GRIA2: variants seen among roughly 807,000 people sequenced by gnomAD.
The protein encoded by GRIA2 is glutamate receptor 2.
In GRIA2, 14 loss-of-function variants were observed where a neutral mutation model predicts 97.3. The ratio of observed to expected loss-of-function variants is 0.14; its 90% CI spans 0.10 to 0.23. The LOEUF (loss-of-function observed/expected upper bound fraction) is 0.23. Among genes scored for constraint, GRIA2 ranks in the 10% least tolerant of loss-of-function variants. The pLI is 1.00. For missense variants in GRIA2, 558 were observed against 1,069.8 expected (o/e 0.52, Z 6.67); for synonymous variants, 412 against 387.8 (o/e 1.06, Z -0.73).
At chr4:157,229,889 T>A (rs1215124022) in intron 2 of GRIA2, among the ~76,000 whole-genome samples, 3 of 152,162 alleles carry the variant, frequency 2.0e-5, no homozygotes, top group Non-Finnish European at 4.4e-5. Flanking sequence ...TCAGTGAACC[T>A]GAGAAGGTAC....
intron 2 of GRIA2, among the ~76,000 whole-genome samples, chr4:157,300,092 C>T (rs1035241857): frequency 4.6e-5 from 7 of 151,470 alleles, no homozygotes; most frequent in South Asian, 2.1e-4. Context: ...CTGATAGTCT[C>T]GGTGGTAGTA....
intron 4 of GRIA2, among the ~76,000 whole-genome samples, chr4:157,317,315 A>G (rs187953639): frequency 3.9e-5 from 6 of 152,310 alleles, no homozygotes; most frequent in Admixed American, 6.5e-5. Context: ...CTTTGTAGGA[A>G]TAGAATTCTG....
intron 9 of GRIA2, 190 bp from the exon 10 acceptor site, chr4:157,335,481 A>G (rs1432107627): frequency 1.7e-6 from 1 of 581,912 alleles, no homozygotes; most frequent in Non-Finnish European, 3.1e-6. Flanking sequence ...AATTATAGTG[A>G]TAGACATTCC....
chr4:157,256,255 A>ATTATATATTACATATATATG (rs1241675937), intron 2 of GRIA2, among the ~76,000 whole-genome samples: 1 of 59,016 alleles, frequency 1.7e-5, no homozygotes, highest in Non-Finnish European at 3.4e-5. Flanking sequence ...TAATATATAA[A>ATTATATATTACATATATATG]TTATATATTA....
intron 3 of GRIA2, among the ~76,000 whole-genome samples, chr4:157,307,102 TG>T (rs200051468): frequency 2.0e-5 from 3 of 150,958 alleles, no homozygotes; most frequent in African/African-American, 7.3e-5. Context: ...GAATATATAT[TG>T]GTTAATTATA....
At chr4:157,251,091 C>T (rs78054185) in intron 2 of GRIA2, among the ~76,000 whole-genome samples, 1 of 151,768 alleles carries the variant, frequency 6.6e-6, no homozygotes, top group East Asian at 2.0e-4. Flanking sequence ...TGGAGCCTAT[C>T]AAAAAAAGCG....
intron 2 of GRIA2, among the ~76,000 whole-genome samples, chr4:157,299,972 C>A (rs541315770): frequency 6.6e-6 from 1 of 152,138 alleles, no homozygotes; most frequent in South Asian, 2.1e-4. Context: ...AATGAGGATT[C>A]ATGTTTCTTT....
At chr4:157,250,185 G>C (rs149846652) in intron 2 of GRIA2, among the ~76,000 whole-genome samples, 150 of 152,162 alleles carry the variant, frequency 9.9e-4, no homozygotes, top group African/African-American at 3.5e-3. Flanking sequence ...ACTGCTTCAA[G>C]ATTATATTCC....
rs1379887030 is a variant in GRIA2 at position 157,363,609 on chromosome 4, A to G, written c.*178A>G. The G allele has an allele frequency of 2.4e-6, 3 of 1,227,056 alleles. No individual in the cohort carries two copies. The highest frequency in any genetic ancestry group is 3.1e-5 in the African/African-American group (2 of 64,264). 76.0% of individuals were successfully genotyped at this position (1,227,056 alleles called of 1,614,324 possible). On this transcript the variant is annotated 3_prime_UTR_variant, in exon 16 of 16. Coordinates refer to ENST00000264426, the MANE Select transcript of GRIA2 (RefSeq NM_001083619.3). ...GACTGATCTCTCGTGATTGATAAGA[A>G]CCTTTTGAGTGCCTTACACAATGGT... is the stretch of plus-strand genomic sequence containing the variant.
intron 5 of GRIA2, among the ~76,000 whole-genome samples, chr4:157,319,789 T>C (rs2126901487): frequency 6.6e-6 from 1 of 152,296 alleles, no homozygotes; most frequent in East Asian, 1.9e-4. Flanking sequence ...TCCTTAGGAA[T>C]TGCTGAATGC....
At chr4:157,322,973 T>C (rs1734642397) in intron 6 of GRIA2, among the ~76,000 whole-genome samples, 1 of 152,178 alleles carries the variant, frequency 6.6e-6, no homozygotes. Context: ...CATAGGATTT[T>C]AAAGAAGAAC....
At chr4:157,231,671 G>C (rs1037840333) in intron 2 of GRIA2, among the ~76,000 whole-genome samples, 2 of 152,188 alleles carry the variant, frequency 1.3e-5, no homozygotes, top group African/African-American at 2.4e-5. Context: ...ATGTGTCATA[G>C]TAAAGTTGTC....
At chr4:157,312,498 T>A (rs1004414137) in intron 3 of GRIA2, among the ~76,000 whole-genome samples, 181 bp from the exon 4 acceptor site, 1 of 152,164 alleles carries the variant, frequency 6.6e-6, no homozygotes, top group Non-Finnish European at 1.5e-5. Flanking sequence ...GAGTTTTTGA[T>A]GTGAAGTGAC....
intron 2 of GRIA2, among the ~76,000 whole-genome samples, chr4:157,264,827 TAAC>T (rs1490992735): frequency 6.6e-6 from 1 of 152,040 alleles, no homozygotes; most frequent in Non-Finnish European, 1.5e-5. Flanking sequence ...AAATAAATAA[TAAC>T]AACTAACATT....
chr4:157,264,308 A>G (rs750450394), intron 2 of GRIA2, among the ~76,000 whole-genome samples: 3 of 152,020 alleles, frequency 2.0e-5, no homozygotes, highest in Non-Finnish European at 2.9e-5. Flanking sequence ...TTCTTCCTGG[A>G]GTCTCTAGGG....
Position 157,255,411 on chromosome 4 carries a change from G to A in GRIA2, c.229+33604G>A, listed in dbSNP as rs893268010. 3.3e-5 allele frequency among the ~76,000 whole-genome samples: 5 copies of A among 151,864 alleles called. No individual in the cohort carries two copies. The East Asian group carries it at 9.7e-4, about 29-fold the overall frequency. ...TAATATAATAATTTATTTTCCTTTG[G>A]GTATATGCCCAGTAGTGGGATTGCT... On this transcript the variant is annotated intron_variant, in intron 2 of 15. Transcript: ENST00000264426.
intron 2 of GRIA2, among the ~76,000 whole-genome samples, chr4:157,253,902 A>G (rs555802390): frequency 2.6e-4 from 39 of 152,262 alleles, no homozygotes; most frequent in Middle Eastern, 3.4e-3. Flanking sequence ...ACATTAGAGA[A>G]AAAGGTTCTT....
At chr4:157,323,326 G>A (rs1284874308) in intron 6 of GRIA2, among the ~76,000 whole-genome samples, 1 of 98,890 alleles carries the variant, frequency 1.0e-5, no homozygotes, top group African/African-American at 4.2e-5. Flanking sequence ...GACAGAGCGA[G>A]ACTCTGTCTC....
At chr4:157,286,600 T>C (rs745681402) in intron 2 of GRIA2, among the ~76,000 whole-genome samples, 2 of 151,594 alleles carry the variant, frequency 1.3e-5, no homozygotes, top group Admixed American at 6.6e-5. Flanking sequence ...TATTTGTCTT[T>C]CATAATATCT....
Sources: gnomAD v4.1 joint callset for allele counts (sites outside exome capture counted in the v4.1 genomes callset) on GRCh38, gnomAD v4.1.1 for gene constraint, MANE v1.5 for transcripts, NCBI Gene and HGNC (gene_info 2026-07-23, HGNC 2026-07-21) for gene names.